FYB1: variants seen among roughly 807,000 people sequenced by gnomAD.
The protein encoded by FYB1 is FYN-binding protein 1.
A neutral mutation model predicts 94.1 loss-of-function variants in FYB1; 41 were observed. The ratio of observed to expected loss-of-function variants is 0.44; its 90% CI spans 0.34 to 0.57. The LOEUF (loss-of-function observed/expected upper bound fraction) is 0.57, where lower values mean the gene tolerates loss of function less well. Among genes scored for constraint, FYB1 ranks in the 20% least tolerant of loss-of-function variants. The pLI, the probability that FYB1 is intolerant of heterozygous loss-of-function variation, is 0.02. For synonymous variants in FYB1, 367 were observed against 353.2 expected, an observed-to-expected ratio of 1.04 and a Z score of -0.44; for missense variants, 1,050 against 976.8, an observed-to-expected ratio of 1.07 and a Z score of -1.00.
At chr5:39,230,722 G>T (rs573425504) in intron 1 of FYB1, among the ~76,000 whole-genome samples, 1 of 151,814 alleles carries the variant, frequency 6.6e-6, no homozygotes, top group Non-Finnish European at 1.5e-5. Flanking sequence ...CTAGACACCC[G>T]TTCAAAGGCA....
At chr5:39,270,652 C>T (rs888330710) in intron 1 of FYB1, 3 of 1,385,306 alleles carry the variant, frequency 2.2e-6, no homozygotes, top group Non-Finnish European at 2.9e-6. Flanking sequence ...TGCAAGTTAG[C>T]TATGCAGAGT....
At chr5:39,206,193 A>T (rs1748841889) in intron 1 of FYB1, among the ~76,000 whole-genome samples, 1 of 152,210 alleles carries the variant, frequency 6.6e-6, no homozygotes, top group Non-Finnish European at 1.5e-5. Context: ...AAAGAGCAAC[A>T]TGTTCCTATG....
intron 1 of FYB1, among the ~76,000 whole-genome samples, chr5:39,207,128 A>G (rs1296020238): frequency 3.9e-5 from 6 of 152,294 alleles, no homozygotes; most frequent in African/African-American, 1.4e-4. Context: ...AATCTGGAAG[A>G]CATCAGATTG....
At chr5:39,110,799 T>C in intron 16 of FYB1, 1 of 372,562 alleles carries the variant, frequency 2.7e-6, no homozygotes, top group Non-Finnish European at 5.1e-6. Flanking sequence ...GATCTAAGAC[T>C]TACTTTCTAA....
At chr5:39,230,662 G>C (rs1000163903) in intron 1 of FYB1, among the ~76,000 whole-genome samples, 6 of 151,864 alleles carry the variant, frequency 4.0e-5, no homozygotes, top group African/African-American at 1.2e-4. Context: ...TTTTTAAAAA[G>C]TCCTATCACT....
intron 2 of FYB1, among the ~76,000 whole-genome samples, chr5:39,175,017 G>T (rs1745590920): frequency 6.6e-6 from 1 of 152,158 alleles, no homozygotes; most frequent in South Asian, 2.1e-4. Flanking sequence ...CTATTTGTTT[G>T]CTTGCTCTTA....
intron 1 of FYB1, among the ~76,000 whole-genome samples, chr5:39,244,621 C>T (rs1043012011): frequency 6.6e-6 from 1 of 151,248 alleles, no homozygotes; most frequent in African/African-American, 2.5e-5. Flanking sequence ...TGTGTCTCTG[C>T]CAGGCTTTGG....
intron 1 of FYB1, among the ~76,000 whole-genome samples, chr5:39,234,709 G>A (rs547723926): frequency 8.2e-4 from 125 of 152,262 alleles, no homozygotes; most frequent in African/African-American, 2.9e-3. Flanking sequence ...ATACTATGCA[G>A]CCATTAAAAA....
intron 2 of FYB1, 47 bp downstream of exon 2, chr5:39,201,779 T>C: frequency 6.6e-7 from 1 of 1,504,434 alleles, no homozygotes; most frequent in East Asian, 2.3e-5. Context: ...AAACATTCTC[T>C]GCCTTGGAGT....
intron 1 of FYB1, among the ~76,000 whole-genome samples, chr5:39,247,953 G>C (rs1277558890): frequency 2.7e-5 from 4 of 146,488 alleles, no homozygotes; most frequent in South Asian, 2.2e-4. Context: ...GAGGTCTTAG[G>C]AATTTGCTCC....
At chr5:39,224,135 T>C (rs973846317), upstream of FYB1, among the ~76,000 whole-genome samples, 64 of 152,172 alleles carry the variant, frequency 4.2e-4, no homozygotes, top group African/African-American at 1.5e-3. Context: ...AAGGAGTAAA[T>C]AACACGAAAC....
chr5:39,112,260 T>TG (rs1739139706), intron 16 of FYB1, among the ~76,000 whole-genome samples: 1 of 151,982 alleles, frequency 6.6e-6, no homozygotes, highest in African/African-American at 2.4e-5. Context: ...CAGTTAAAAT[T>TG]GGGGGGTTCT....
chr5:39,246,554 A>G (rs1454636687), intron 1 of FYB1, among the ~76,000 whole-genome samples: 2 of 152,148 alleles, frequency 1.3e-5, no homozygotes, highest in African/African-American at 4.8e-5. Context: ...GAAAGCTCCA[A>G]GTTAATACTG....
intron 4 of FYB1, among the ~76,000 whole-genome samples, chr5:39,140,343 CAGA>C (rs1230182080): frequency 1.3e-5 from 2 of 152,050 alleles, no homozygotes; most frequent in Non-Finnish European, 2.9e-5. Context: ...TGGCAACTTA[CAGA>C]AGAAGAAACC....
At chr5:39,156,405 A>G (rs921557412) in intron 2 of FYB1, among the ~76,000 whole-genome samples, 6 of 152,200 alleles carry the variant, frequency 3.9e-5, no homozygotes, top group African/African-American at 1.4e-4. Context: ...CCACTGCCAG[A>G]GTAGGGCTCG....
intron 1 of FYB1, among the ~76,000 whole-genome samples, chr5:39,265,877 A>T (rs1464043800): frequency 6.6e-6 from 1 of 152,146 alleles, no homozygotes; most frequent in Non-Finnish European, 1.5e-5. Flanking sequence ...TGAATGAGTG[A>T]CAGTGCAATT....
intron 1 of FYB1, chr5:39,209,035 C>T (rs534302467): frequency 4.0e-5 from 5 of 125,308 alleles, no homozygotes; most frequent in Admixed American, 2.7e-4. Flanking sequence ...ACACACAACA[C>T]ACACACAATG....
At chr5:39,246,934 T>C (rs1751500374) in intron 1 of FYB1, among the ~76,000 whole-genome samples, 1 of 151,850 alleles carries the variant, frequency 6.6e-6, no homozygotes. Context: ...CTGTGAGACC[T>C]CAAGCAAGTT....
intron 2 of FYB1, among the ~76,000 whole-genome samples, chr5:39,164,744 T>A (rs1580433320): frequency 6.6e-6 from 1 of 152,194 alleles, no homozygotes; most frequent in South Asian, 2.1e-4. Context: ...ACATACACCC[T>A]TTTTAAGTAA....
Sources: gnomAD v4.1 joint callset for allele counts (sites outside exome capture counted in the v4.1 genomes callset) on GRCh38, gnomAD v4.1.1 for gene constraint, MANE v1.5 for transcripts, NCBI Gene and HGNC (gene_info 2026-07-23, HGNC 2026-07-21) for gene names.